Variants in MIGA1 observed in about 807,000 individuals in gnomAD.
The protein encoded by MIGA1 is family with sequence similarity 73, member A.
A neutral mutation model predicts 82.0 loss-of-function variants in MIGA1; 58 were observed. The observed-to-expected ratio is 0.71, with a 90% CI of 0.57 to 0.88. The LOEUF is 0.88. Ranked by LOEUF, MIGA1 falls within the 40% of genes least tolerant of loss-of-function variation. MIGA1 has a pLI of 0.00. For missense variants in MIGA1, 751 were observed against 749.1 expected (o/e 1.00, Z -0.03); for synonymous variants, 249 against 253.6 (o/e 0.98, Z 0.17).
intron 15 of MIGA1, among the ~76,000 whole-genome samples, chr1:77,874,100 G>A (rs900132092): frequency 1.1e-4 from 17 of 152,052 alleles, no homozygotes; most frequent in South Asian, 6.2e-4. Context: ...TCTTAATAAC[G>A]TTTGGAAGAT....
intron 5 of MIGA1, among the ~76,000 whole-genome samples, chr1:77,812,333 G>T (rs190012534): frequency 3.3e-4 from 51 of 152,242 alleles, no homozygotes; most frequent in African/African-American, 1.2e-3. Flanking sequence ...GCTGGGCATG[G>T]TGGTACATGT....
intron 14 of MIGA1, among the ~76,000 whole-genome samples, chr1:77,867,034 A>G (rs2101961818): frequency 6.6e-6 from 1 of 152,282 alleles, no homozygotes; most frequent in South Asian, 2.1e-4. Context: ...AATCCAATTA[A>G]GAAATAAAGA....
intron 7 of MIGA1, among the ~76,000 whole-genome samples, chr1:77,825,752 C>CT (rs148376028): frequency 0.037 from 5,572 of 151,638 alleles, 358 homozygotes; most frequent in African/African-American, 0.13. Flanking sequence ...AATTGATAAA[C>CT]TTTTTTTTTG....
chr1:77,779,800 C>T (rs1199574903), intron 1 of MIGA1, 64 bp downstream of exon 1: 11 of 1,499,606 alleles, frequency 7.3e-6, no homozygotes, highest in Non-Finnish European at 9.8e-6. Context: ...GTTGAGCGGC[C>T]ACGCAGTTGG....
At chr1:77,847,657 C>G (rs1266784792) in intron 8 of MIGA1, 1 of 1,569,426 alleles carries the variant, frequency 6.4e-7, no homozygotes, top group Non-Finnish European at 8.7e-7. Context: ...TTGGATGTAA[C>G]CAAGCAGAAA....
chr1:77,848,001 C>G (rs1241443906), intron 8 of MIGA1: 4 of 1,229,958 alleles, frequency 3.3e-6, no homozygotes, highest in African/African-American at 1.5e-5. Flanking sequence ...AAACCACTCT[C>G]AGTCACCTAG....
chr1:77,831,999 TC>T (rs1684262183), intron 7 of MIGA1, among the ~76,000 whole-genome samples: 2 of 152,360 alleles, frequency 1.3e-5, no homozygotes, highest in South Asian at 4.1e-4. Context: ...TAATTTCATT[TC>T]CTTCTAAAAT....
chr1:77,811,518 C>T, intron 5 of MIGA1: 2 of 1,584,342 alleles, frequency 1.3e-6, no homozygotes, highest in Non-Finnish European at 8.7e-7. Flanking sequence ...TCAGGTCCTC[C>T]AGTTTAAATT....
At chr1:77,810,947 G>A (rs966542299) in intron 5 of MIGA1, 62 of 1,611,830 alleles carry the variant, frequency 3.8e-5, no homozygotes, top group Non-Finnish European at 4.1e-5. Flanking sequence ...AAGTCAGTGG[G>A]TTTCTTGTAT....
chr1:77,820,861 T>TGGTG (rs1324171356), intron 7 of MIGA1, among the ~76,000 whole-genome samples: 4 of 152,162 alleles, frequency 2.6e-5, no homozygotes, highest in African/African-American at 9.7e-5. Flanking sequence ...AGGCCAGGCA[T>TGGTG]GGTGGCTCAT....
chr1:77,785,758 G>T (rs1433392809), intron 2 of MIGA1, among the ~76,000 whole-genome samples: 5 of 152,182 alleles, frequency 3.3e-5, no homozygotes, highest in Non-Finnish European at 7.3e-5. Flanking sequence ...TGCCCTTGTG[G>T]CTTTGCAGGG....
intron 8 of MIGA1, among the ~76,000 whole-genome samples, chr1:77,851,638 C>T (rs1477644873): frequency 6.6e-6 from 1 of 152,148 alleles, no homozygotes; most frequent in Non-Finnish European, 1.5e-5. Flanking sequence ...GGCATTGTCT[C>T]TGAAGAGTCA....
Position 77,876,789 on chromosome 1 carries a change from T to C in MIGA1, c.*1725T>C, listed in dbSNP as rs1646897129. ...AGTATATATTTCATGTTCATTATGATAAATCTACAAACAAATGAATTGTTT... is the reference window on the plus strand; with the variant it reads ...AGTATATATTTCATGTTCATTATGACAAATCTACAAACAAATGAATTGTTT... On this transcript the variant is annotated 3_prime_UTR_variant, in exon 16 of 16. Coordinates refer to ENST00000370791, the MANE Select transcript of MIGA1 (RefSeq NM_198549.4). 6.6e-6 allele frequency: 1 copy of C among 152,244 alleles called. No homozygotes were observed. Among genetic ancestry groups the C allele is most frequent in the African/African-American group, 2.4e-5 (1 of 41,460 alleles). The allele number at this position is 152,244 out of a possible 1,614,324, so 9.4% of individuals were successfully genotyped here. A position where few individuals can be genotyped will look rare whatever the true frequency, so the allele number is the denominator to read the frequency against.
At chr1:77,812,885 G>A (rs1460307199) in intron 5 of MIGA1, among the ~76,000 whole-genome samples, 1 of 152,102 alleles carries the variant, frequency 6.6e-6, no homozygotes, top group Non-Finnish European at 1.5e-5. Flanking sequence ...ATCCAAATCC[G>A]CCTGTTGGGA....
intron 7 of MIGA1, among the ~76,000 whole-genome samples, chr1:77,824,849 T>A (rs1683968076): frequency 6.6e-6 from 1 of 152,208 alleles, no homozygotes; most frequent in East Asian, 1.9e-4. Context: ...ATTCTATAAT[T>A]TATTGTTTGC....
At chr1:77,794,544 A>G (rs1488141503) in intron 2 of MIGA1, among the ~76,000 whole-genome samples, 6 of 152,222 alleles carry the variant, frequency 3.9e-5, no homozygotes, top group African/African-American at 1.4e-4. Context: ...CAGGGGATAC[A>G]TGATGATGTC....
At chr1:77,780,007 A>G (rs1022582192) in intron 1 of MIGA1, 108 of 1,218,352 alleles carry the variant, frequency 8.9e-5, no homozygotes, top group Non-Finnish European at 1.1e-4. Context: ...TCCCCACGCC[A>G]GAGGGAGGCC....
intron 1 of MIGA1, chr1:77,782,721 T>A (rs1681977460): frequency 4.8e-6 from 1 of 208,354 alleles, no homozygotes; most frequent in Admixed American, 6.5e-5. Context: ...TCTTTGAAGA[T>A]CTTTAAAATG....
At chr1:77,811,117 A>C in intron 5 of MIGA1, 1 of 1,580,030 alleles carries the variant, frequency 6.3e-7, no homozygotes, top group African/African-American at 1.3e-5. Context: ...CTCAATGTCC[A>C]CATTAAAATG....
Sources: allele counts gnomAD v4.1 joint callset (sites outside exome capture counted in the v4.1 genomes callset), GRCh38; gene constraint gnomAD v4.1.1; transcripts MANE v1.5; gene names NCBI Gene and HGNC (gene_info 2026-07-23, HGNC 2026-07-21).